The following KLRC1 variants were observed in gnomAD, a reference collection of about 807,000 sequenced individuals.
The protein encoded by KLRC1 is killer cell lectin like receptor C1, also known as NKG2-A/NKG2-B type II integral membrane protein.
KLRC1 carries 22 observed loss-of-function variants against 25.9 expected under a neutral mutation model. The ratio of observed to expected loss-of-function variants is 0.85; its 90% confidence interval spans 0.61 to 1.21. KLRC1 has a LOEUF of 1.21. Ranked by LOEUF, KLRC1 falls within the 50% of genes most tolerant of loss-of-function variation. The pLI, the probability that KLRC1 is intolerant of heterozygous loss-of-function variation, is 0.00. For missense variants in KLRC1, 240 were observed against 272.2 expected, an observed-to-expected ratio of 0.88 and a Z score of 0.83; for synonymous variants, 77 against 93.1, an observed-to-expected ratio of 0.83 and a Z score of 0.99.
In KLRC1 at chr12:10,449,255, T is replaced by C; in HGVS notation, c.471A>G (p.Ile157Met). Residue 157 changes from isoleucine (I) to methionine (M), a missense_variant, in exon 5 of 7, where the codon ATA becomes ATG. Transcript: ENST00000359151. ...ATCTTACCATTTCTTCTTCATTATC[T>C]ATAGAAAGCAGACTGGAGTTCTTCG... ...CTSKNSSLLS[I>M]DNEEEMKFLS... 6.2e-7 allele frequency: 1 copy of C among 1,613,932 alleles called. No individual in the cohort carries two copies.
chr12:10,447,360 G>C, intron 6 of KLRC1, 172 bp downstream of exon 6: 1 of 532,654 alleles, frequency 1.9e-6, no homozygotes, highest in Non-Finnish European at 3.2e-6. Context: ...ACCAATGAGC[G>C]GTTGAAATAT....
At chr12:10,445,270 A>G (rs1242294909), downstream of KLRC1, among the ~76,000 whole-genome samples, 1 of 152,162 alleles carries the variant, frequency 6.6e-6, no homozygotes, top group Non-Finnish European at 1.5e-5. Flanking sequence ...GATTTATTTC[A>G]GAAACAAAGG....
At position 10,449,986 on chromosome 12, in the gene KLRC1, T is replaced by A. The variant is rs755510598; in HGVS notation, c.284-19A>T. The A allele has an allele frequency of 2.1e-6, 3 of 1,443,566 alleles. No homozygotes were observed. The highest frequency in any genetic ancestry group is 9.2e-7 in the Non-Finnish European group (1 of 1,088,548). 89.4% of individuals were successfully genotyped at this position (1,443,566 alleles called of 1,614,324 possible). A position where few individuals can be genotyped will look rare whatever the true frequency, so the allele number is the denominator to read the frequency against. On this transcript the variant is annotated intron_variant, in intron 3 of 6. Transcript: ENST00000359151. ...AATGTAGCTAGAAAAATTAAAGTAA[T>A]CTTTGTAAAAAAATTAGCATCTAAA... is the stretch of plus-strand genomic sequence containing the variant.
rs182631267 is a variant in KLRC1 at position 10,453,338 on chromosome 12, G to A, written c.-172C>T. On this transcript the variant is annotated 5_prime_UTR_variant, in exon 1 of 7. Transcript: ENST00000359151. ...AGAACAAACAATGCCTGCAATCTTC[G>A]CAGACTGCCCTGTGAAGGCTCAGAG... The A allele has an allele frequency of 4.1e-6, 4 of 985,212 alleles. No individual in the cohort carries two copies. Among genetic ancestry groups the A allele is most frequent in the Admixed American group, 1.2e-4 (2 of 16,256 alleles). 61.0% of individuals were successfully genotyped at this position (985,212 alleles called of 1,614,324 possible).
intron 5 of KLRC1, among the ~76,000 whole-genome samples, 181 bp downstream of exon 5, chr12:10,449,056 A>T (rs779159168): frequency 1.3e-5 from 2 of 152,232 alleles, no homozygotes; most frequent in Admixed American, 1.3e-4. Flanking sequence ...ACTGAAAATA[A>T]TCAAAAGTAC....
At chr12:10,449,500 C>G in intron 4 of KLRC1, 112 bp from the exon 5 acceptor site, 23 of 1,498,548 alleles carry the variant, frequency 1.5e-5, no homozygotes, top group Non-Finnish European at 2.1e-5. Flanking sequence ...ATCTATACAT[C>G]TTCATGGGCT....
intron 1 of KLRC1, chr12:10,451,423 C>T (rs1185798005): frequency 3.3e-5 from 7 of 214,348 alleles, no homozygotes; most frequent in African/African-American, 4.6e-5. Flanking sequence ...TTTGGGAGGC[C>T]GAGGCATGCC....
intron 5 of KLRC1, among the ~76,000 whole-genome samples, chr12:10,448,972 G>A (rs1027977710): frequency 6.6e-6 from 1 of 152,124 alleles, no homozygotes; most frequent in East Asian, 1.9e-4. Context: ...CATCATGCCC[G>A]ATAAAATTAG....
rs530697847 is a variant in KLRC1, at chr12:10,447,914, A to G, written c.490-282T>C. 2.6e-5 allele frequency among the ~76,000 whole-genome samples: 4 copies of G among 152,322 alleles called. No individual in the cohort carries two copies. The South Asian group carries it at 8.3e-4, about 32-fold the overall frequency. On this transcript the variant is annotated intron_variant, in intron 5 of 6. Transcript: ENST00000359151. ...TGATACTGTGCATTCATTCCTCCAGATACTGTGACTAAATCAAACTATTTT... is the reference window on the plus strand; with the variant it reads ...TGATACTGTGCATTCATTCCTCCAGGTACTGTGACTAAATCAAACTATTTT...
At position 10,451,082 on chromosome 12, in the gene KLRC1, T is replaced by C; in HGVS notation, c.75A>G (p.Lys25=). The C allele has an allele frequency of 6.2e-7, 1 of 1,614,096 alleles. No individual in the cohort carries two copies. Among genetic ancestry groups the C allele is most frequent in the Non-Finnish European group, 8.5e-7 (1 of 1,179,944 alleles). Reference sequence around the variant, plus strand: ...TTGCTAAAATGGAGTTTTTATTGCCTTTAGGTTTTCGTTGCTGCCTCTTTG... The same window carrying C: ...TTGCTAAAATGGAGTTTTTATTGCCCTTAGGTTTTCGTTGCTGCCTCTTTG... ...PNPKRQQRKP[K]GNKNSILATE... The change falls in exon 2 of 7, where the codon AAA becomes AAG. Residue 25 remains lysine (K), a synonymous_variant. Transcript: ENST00000359151.
Position 10,451,080 on chromosome 12 carries a change from C to A in KLRC1, c.77G>T (p.Gly26Val). ...NPKRQQRKPK[G>V]NKNSILATEQ... ...AGTTGCTAAAATGGAGTTTTTATTG[C>A]CTTTAGGTTTTCGTTGCTGCCTCTT... Residue 26 changes from glycine (G) to valine (V), a missense_variant, in exon 2 of 7, where the codon GGC becomes GTC. Transcript: ENST00000359151. The A allele has an allele frequency of 1.2e-6, 2 of 1,613,956 alleles. No individual in the cohort carries two copies. The highest frequency in any genetic ancestry group is 8.5e-7 in the Non-Finnish European group (1 of 1,179,934).
chr12:10,446,374 A>C lies in KLRC1; in HGVS notation c.*177T>G. On this transcript the variant is annotated 3_prime_UTR_variant, in exon 7 of 7. Transcript: ENST00000359151. ...TGTTGAGCAAAATGAGCCCGACACA[A>C]ATGCTAGGATGTCTGTACTTTAGTA... 2 of 1,379,718 alleles carry C rather than the reference A, an allele frequency of 1.4e-6. No individual in the cohort carries two copies. Among genetic ancestry groups the C allele is most frequent in the Non-Finnish European group, 1.9e-6 (2 of 1,062,624 alleles). The allele number at this position is 1,379,718 out of a possible 1,614,324, so 85.5% of individuals were successfully genotyped here. A position where few individuals can be genotyped will look rare whatever the true frequency, so the allele number is the denominator to read the frequency against.
In KLRC1 at chr12:10,449,963, T is replaced by C. The variant is rs764023940; in HGVS notation, c.288A>G (p.Thr96=). The change falls in exon 4 of 7, where the codon ACA becomes ACG. Residue 96 remains threonine (T), a synonymous_variant. Coordinates refer to ENST00000359151, the MANE Select transcript of KLRC1 (RefSeq NM_002259.5). ...SVVTIVVIPS[T]LIQRHNNSSL... is the part of the protein sequence containing the mutation. ...AAGAATTGTTGTGCCTCTGTATTAATGTAGCTAGAAAAATTAAAGTAATCT... is the reference window on the plus strand; with the variant it reads ...AAGAATTGTTGTGCCTCTGTATTAACGTAGCTAGAAAAATTAAAGTAATCT... The C allele has an allele frequency of 3.4e-5, 50 of 1,475,100 alleles. No homozygotes were observed. The South Asian group carries it at 6.0e-4, about 18-fold the overall frequency. 91.4% of individuals were successfully genotyped at this position (1,475,100 alleles called of 1,614,324 possible).
chr12:10,446,922 A>T (rs966365639), intron 6 of KLRC1, among the ~76,000 whole-genome samples: 2 of 152,236 alleles, frequency 1.3e-5, no homozygotes, highest in Non-Finnish European at 2.9e-5. Context: ...TTCTCTACAC[A>T]TTCATAACTG....
chr12:10,444,891 C>T (rs1011450156), downstream of KLRC1, among the ~76,000 whole-genome samples: 2 of 151,158 alleles, frequency 1.3e-5, no homozygotes, highest in Non-Finnish European at 2.9e-5. Flanking sequence ...AAATCTTACC[C>T]TACATAAAAT....
Position 10,449,286 on chromosome 12 carries a change from C to T in KLRC1, c.440G>A (p.Cys147Tyr), listed in dbSNP as rs765233731. 12 of 1,613,832 alleles carry T rather than the reference C, an allele frequency of 7.4e-6. No homozygotes were observed. The highest frequency in any genetic ancestry group is 9.3e-6 in the Non-Finnish European group (11 of 1,179,942). Residue 147 changes from cysteine (C) to tyrosine (Y), a missense_variant, in exon 5 of 7, where the codon TGT becomes TAT. Cys to Tyr is a radical substitution (Grantham distance 194). Coordinates refer to ENST00000359151, the MANE Select transcript of KLRC1 (RefSeq NM_002259.5). ...RRTWEESLLA[C>Y]TSKNSSLLSI... is the part of the protein sequence containing the mutation. ...AAGCAGACTGGAGTTCTTCGAAGTA[C>T]AGGCCAGCAAACTCTCTTCCCAAGT...
Position 10,447,524 on chromosome 12 carries a change from CA to C in KLRC1, c.590+7del, listed in dbSNP as rs1487361151. On this transcript the variant is annotated splice_region_variant and intron_variant, in intron 6 of 6. Transcript: ENST00000359151. ...TATTGTTATATAGCGCCATACAAAACAACTTACTCATGTTTGAAAGCCAAAC... is the reference window on the plus strand; with the variant it reads ...TATTGTTATATAGCGCCATACAAAACACTTACTCATGTTTGAAAGCCAAAC... 1 of 1,600,834 alleles carries C rather than the reference CA, an allele frequency of 6.2e-7. No homozygotes were observed. The highest frequency in any genetic ancestry group is 1.1e-5 in the South Asian group (1 of 89,002).
downstream of KLRC1, among the ~76,000 whole-genome samples, chr12:10,444,404 TA>T (rs1311941258): frequency 4.6e-5 from 7 of 151,256 alleles, no homozygotes; most frequent in East Asian, 1.4e-3. Flanking sequence ...TTTAACATTT[TA>T]AAAAATTGAT....
Position 10,451,176 on chromosome 12 carries a change from A to G in KLRC1, c.-20T>C. On this transcript the variant is annotated 5_prime_UTR_variant, in exon 2 of 7. It removes the in-frame stop codon of an upstream open reading frame in the 5' UTR. Coordinates refer to ENST00000359151, the MANE Select transcript of KLRC1 (RefSeq NM_002259.5). Reference sequence around the variant, plus strand: ...ATCCATCTCTGCAGTGTGTGATGTCAGGGACTGTACTCTATAATAACAGTA... The same window carrying G: ...ATCCATCTCTGCAGTGTGTGATGTCGGGGACTGTACTCTATAATAACAGTA... 1 of 1,602,562 alleles carries G rather than the reference A, an allele frequency of 6.2e-7. No homozygotes were observed. Among genetic ancestry groups the G allele is most frequent in the Non-Finnish European group, 8.5e-7 (1 of 1,174,050 alleles).
Sources: allele counts gnomAD v4.1 joint callset (sites outside exome capture counted in the v4.1 genomes callset), GRCh38; gene constraint gnomAD v4.1.1; transcripts MANE v1.5; gene names NCBI Gene and HGNC (gene_info 2026-07-23, HGNC 2026-07-21).